HSF5: variants seen among roughly 807,000 people sequenced by gnomAD.
The protein encoded by HSF5 is heat shock factor protein 5.
A neutral mutation model predicts 50.8 loss-of-function variants in HSF5; 5 were observed. That is an observed-to-expected ratio of 0.10 (90% CI 0.05 to 0.21). HSF5 has a LOEUF of 0.21. Ranked by LOEUF, HSF5 falls within the 10% of genes least tolerant of loss-of-function variation. The probability of loss-of-function intolerance (pLI) is 1.00; values close to 1 mark genes in which losing one functional copy is unlikely to be tolerated. For missense variants in HSF5, 564 were observed against 762.6 expected (o/e 0.74, Z 3.07); for synonymous variants, 307 against 307.4 (o/e 1.00, Z 0.02).
intron 3 of HSF5, among the ~76,000 whole-genome samples, chr17:58,464,300 C>T (rs1200765104): frequency 6.6e-6 from 1 of 152,150 alleles, no homozygotes; most frequent in Non-Finnish European, 1.5e-5. Flanking sequence ...AGATTTCATC[C>T]AACCTTCAAA....
chr17:58,439,771 A>G (rs1359026990), intron 5 of HSF5, among the ~76,000 whole-genome samples: 2 of 152,256 alleles, frequency 1.3e-5, no homozygotes, highest in Admixed American at 1.3e-4. Flanking sequence ...GGCATGAGCC[A>G]CCATGCCCAA....
At chr17:58,449,344 T>C (rs1974602843) in intron 5 of HSF5, among the ~76,000 whole-genome samples, 1 of 152,228 alleles carries the variant, frequency 6.6e-6, no homozygotes, top group South Asian at 2.1e-4. Flanking sequence ...AGTGGCTGAA[T>C]GGATTTTTTA....
At chr17:58,437,294 C>T (rs545049710) in intron 5 of HSF5, among the ~76,000 whole-genome samples, 2 of 152,270 alleles carry the variant, frequency 1.3e-5, no homozygotes, top group African/African-American at 2.4e-5. Context: ...CATATCTAAA[C>T]CTCAAAAGTC....
chr17:58,464,937 A>ATT (rs750451910), intron 3 of HSF5, among the ~76,000 whole-genome samples: 7 of 140,202 alleles, frequency 5.0e-5, no homozygotes, highest in Admixed American at 2.2e-4. Flanking sequence ...CGCCTGGCAG[A>ATT]TTTTTTTTTT....
rs763707155 is a variant in HSF5 at position 58,463,078 on chromosome 17, T to C, written c.1246A>G (p.Asn416Asp). The change falls in exon 4 of 6, where the codon AAC becomes GAC. Residue 416 changes from asparagine to aspartate, a missense_variant. This residue lies in a region of HSF5 where 441 missense variants were observed against 533.6 expected (regional missense o/e 0.83). Transcript: ENST00000323777. ...CTTGCAGAACATGGATTGCTGTTGT[T>C]AGAATTAGCTAAAATGTGTTGGCCT... ...YRGQHILANS[N>D]NSNPCSASQA... 3 of 1,614,228 alleles carry C rather than the reference T, an allele frequency of 1.9e-6. No homozygotes were observed. In the East Asian group the frequency reaches 6.7e-5, roughly 36 times the overall value.
At chr17:58,446,137 C>CA (rs575406434) in intron 5 of HSF5, among the ~76,000 whole-genome samples, 2,020 of 47,268 alleles carry the variant, frequency 0.043, 16 homozygotes, top group African/African-American at 0.065. Context: ...AACTCCATCT[C>CA]AAAAAAAAAA....
intron 2 of HSF5, among the ~76,000 whole-genome samples, chr17:58,475,141 C>T (rs1158519977): frequency 6.6e-6 from 1 of 152,066 alleles, no homozygotes; most frequent in Non-Finnish European, 1.5e-5. Context: ...ATTTTAATAT[C>T]ATTAAACTTA....
chr17:58,486,016 C>T (rs901778593), intron 1 of HSF5, among the ~76,000 whole-genome samples: 3 of 152,044 alleles, frequency 2.0e-5, no homozygotes, highest in Non-Finnish European at 4.4e-5. Flanking sequence ...TTGCAGTGAG[C>T]GGAGATCTTG....
intron 5 of HSF5, 83 bp from the exon 6 acceptor site, chr17:58,422,513 T>A: frequency 9.7e-7 from 1 of 1,032,406 alleles, no homozygotes; most frequent in South Asian, 1.4e-5. Flanking sequence ...GAACAAGTTG[T>A]CTATGTCTCA....
At chr17:58,476,564 C>A in intron 2 of HSF5, 1 of 1,483,074 alleles carries the variant, frequency 6.7e-7, no homozygotes, top group South Asian at 1.1e-5. Context: ...GGATTTTGAT[C>A]AAAATAAAAA....
At chr17:58,464,030 G>A (rs141125350) in intron 3 of HSF5, among the ~76,000 whole-genome samples, 6 of 152,234 alleles carry the variant, frequency 3.9e-5, no homozygotes, top group African/African-American at 9.6e-5. Context: ...GAAGAGCTTC[G>A]CACAGAGTAG....
chr17:58,472,427 A>G (rs1455561250), intron 2 of HSF5, among the ~76,000 whole-genome samples: 1 of 152,196 alleles, frequency 6.6e-6, no homozygotes, highest in Non-Finnish European at 1.5e-5. Context: ...GTGAGCTATG[A>G]TCATGCCACT....
At chr17:58,447,614 C>T (rs1406845436) in intron 5 of HSF5, among the ~76,000 whole-genome samples, 1 of 152,078 alleles carries the variant, frequency 6.6e-6, no homozygotes, top group Non-Finnish European at 1.5e-5. Flanking sequence ...CCCTGATCTT[C>T]CTCAAGTTCA....
intron 1 of HSF5, among the ~76,000 whole-genome samples, chr17:58,486,012 T>G (rs1975172650): frequency 6.6e-6 from 1 of 151,962 alleles, no homozygotes; most frequent in Non-Finnish European, 1.5e-5. Flanking sequence ...GAGGTTGCAG[T>G]GAGCGGAGAT....
At chr17:58,487,594 G>A (rs1975203439) in intron 1 of HSF5, 131 bp downstream of exon 1, 2 of 1,280,882 alleles carry the variant, frequency 1.6e-6, no homozygotes, top group African/African-American at 1.6e-5. Flanking sequence ...GAAGCACAGC[G>A]GCCAATGGGT....
chr17:58,451,959 A>AAAT (rs1567910669), intron 5 of HSF5, among the ~76,000 whole-genome samples: 2 of 151,198 alleles, frequency 1.3e-5, no homozygotes, highest in Non-Finnish European at 3.0e-5. Context: ...AAAAAAAAAA[A>AAAT]AAAAAAAGGA....
chr17:58,478,579 T>A (rs1403616585), intron 2 of HSF5, among the ~76,000 whole-genome samples: 6 of 144,302 alleles, frequency 4.2e-5, no homozygotes, highest in Non-Finnish European at 6.1e-5. Context: ...GAAAAAAAAA[T>A]GGCCAGGCAG....
chr17:58,470,019 A>C lies in HSF5; in HGVS notation c.926-3040T>G, dbSNP rs115579377. Among the ~76,000 whole-genome samples, 1,300 of 152,348 alleles carry C rather than the reference A, an allele frequency of 8.5e-3. 12 individuals are homozygous for C. Among genetic ancestry groups the C allele is most frequent in the African/African-American group, 0.029 (1,220 of 41,576 alleles). ...GAATTTGAATCTACTCCAGAATAGT[A>C]TAATGTCAACAGTGAGAAAATACCC... is the stretch of plus-strand genomic sequence containing the variant. On this transcript the variant is annotated intron_variant, in intron 2 of 5. Transcript: ENST00000323777.
chr17:58,468,807 A>G (rs1183447899), intron 2 of HSF5, among the ~76,000 whole-genome samples: 1 of 152,176 alleles, frequency 6.6e-6, no homozygotes, highest in Non-Finnish European at 1.5e-5. Flanking sequence ...AGACATAAAT[A>G]TAAAGGTTAT....
Sources: gnomAD v4.1 joint callset for allele counts (sites outside exome capture counted in the v4.1 genomes callset) on GRCh38, gnomAD v4.1.1 for gene constraint, gnomAD v4.1.1 regional missense constraint, MANE v1.5 for transcripts, NCBI Gene and HGNC (gene_info 2026-07-23, HGNC 2026-07-21) for gene names.